PRPH2: variants seen among roughly 807,000 people sequenced by gnomAD.
PRPH2 encodes the protein peripherin-2.
Under a neutral mutation model 31.3 loss-of-function variants are expected in PRPH2, and 17 were observed. The ratio of observed to expected loss-of-function variants is 0.54; its 90% confidence interval spans 0.37 to 0.81. The LOEUF is 0.81. Ranked by LOEUF, PRPH2 falls within the 40% of genes least tolerant of loss-of-function variation. The pLI, the probability that PRPH2 is intolerant of heterozygous loss-of-function variation, is 0.00. For missense variants in PRPH2, 430 were observed against 439.7 expected (o/e 0.98, Z 0.20); for synonymous variants, 165 against 184.4 (o/e 0.89, Z 0.85).
At position 42,704,617 on chromosome 6, in the gene PRPH2, A is replaced by AG. The variant is rs1369163850; in HGVS notation, c.582-7dup. The AG allele has an allele frequency of 5.6e-6, 9 of 1,614,094 alleles. No homozygotes were observed. The highest frequency in any genetic ancestry group is 1.1e-5 in the South Asian group (1 of 91,094). On this transcript the variant is annotated splice_polypyrimidine_tract_variant and splice_region_variant and intron_variant, in intron 1 of 2. Transcript: ENST00000230381. ...CCACGTTGCTCTTGATTCGACTTAA[A>AG]GGGAAACAGACAGCTGGAGATGGGC...
chr6:42,706,052 C>T (rs929793707), intron 1 of PRPH2, among the ~76,000 whole-genome samples: 3 of 151,794 alleles, frequency 2.0e-5, no homozygotes, highest in African/African-American at 7.3e-5. Context: ...GGGCAGACGA[C>T]CTGAGGTCAG....
intron 1 of PRPH2, among the ~76,000 whole-genome samples, chr6:42,713,894 T>G (rs1007645892): frequency 1.7e-5 from 2 of 118,214 alleles, no homozygotes; most frequent in South Asian, 5.7e-4. Flanking sequence ...CACTCCAGCC[T>G]GGGTGACTGA....
chr6:42,720,775 A>C (rs933391504), intron 1 of PRPH2, among the ~76,000 whole-genome samples: 1 of 152,100 alleles, frequency 6.6e-6, no homozygotes, highest in Non-Finnish European at 1.5e-5. Context: ...GTCAGACAGA[A>C]AGAAGAGGTG....
intron 2 of PRPH2, 69 bp downstream of exon 2, chr6:42,704,296 G>A (rs1039798399): frequency 7.7e-6 from 12 of 1,558,916 alleles, no homozygotes; most frequent in Admixed American, 3.8e-5. Context: ...GCCTGGCTCC[G>A]CCCCCATTAG....
rs67162942 is a variant in PRPH2, at chr6:42,704,123, AT to A, written c.828+241del. ...TCAAAATAAAAAAAAAATAAAAAAA[AT>A]AAATTTAAGTGGTGGGAAAGAAACC... On this transcript the variant is annotated intron_variant, in intron 2 of 2. Coordinates refer to ENST00000230381, the MANE Select transcript of PRPH2 (RefSeq NM_000322.5). Among the ~76,000 whole-genome samples, 38,540 of 151,024 alleles carry A rather than the reference AT, an allele frequency of 0.26. 5,343 individuals are homozygous for A. The highest frequency in any genetic ancestry group is 0.47 in the East Asian group (2,386 of 5,104).
intron 1 of PRPH2, among the ~76,000 whole-genome samples, chr6:42,717,459 C>G (rs190515219): frequency 1.3e-5 from 2 of 151,872 alleles, no homozygotes; most frequent in Non-Finnish European, 2.9e-5. Context: ...GCCCTTTTGC[C>G]GGCCTCACCT....
intron 2 of PRPH2, 25 bp downstream of exon 2, chr6:42,704,340 T>C (rs771647336): frequency 2.5e-6 from 4 of 1,601,600 alleles, no homozygotes; most frequent in African/African-American, 1.3e-5. Flanking sequence ...CCTTACCCTC[T>C]ACCCCCAGCT....
Position 42,697,974 on chromosome 6 carries a change from C to T in PRPH2, c.*321G>A, listed in dbSNP as rs760803802. ...AGTGGCCATAGGGTGGGACTAAATC[C>T]GTGTGAGAAAGATGGGTCCTGGGCT... On this transcript the variant is annotated 3_prime_UTR_variant, in exon 3 of 3. Transcript: ENST00000230381. 43 of 370,998 alleles carry T rather than the reference C, an allele frequency of 1.2e-4. No homozygotes were observed. The highest frequency in any genetic ancestry group is 3.6e-4 in the Admixed American group (9 of 24,672). 23.0% of individuals were successfully genotyped at this position (370,998 alleles called of 1,614,324 possible).
intron 1 of PRPH2, among the ~76,000 whole-genome samples, chr6:42,707,520 GCTCAGGAGAAC>G (rs1184762005): frequency 1.3e-5 from 2 of 152,148 alleles, no homozygotes; most frequent in Non-Finnish European, 2.9e-5. Context: ...AACCAGCCAT[GCTCAGGAGAAC>G]CTGTCCTCCA....
chr6:42,699,756 G>A (rs1800015047), intron 2 of PRPH2, among the ~76,000 whole-genome samples: 2 of 152,062 alleles, frequency 1.3e-5, no homozygotes, highest in South Asian at 4.1e-4. Context: ...TGCCGGGTGT[G>A]GTGGCGCGTG....
intron 1 of PRPH2, among the ~76,000 whole-genome samples, chr6:42,707,392 G>C (rs925933341): frequency 2.6e-5 from 4 of 152,060 alleles, no homozygotes; most frequent in African/African-American, 9.7e-5. Flanking sequence ...ATATGGAGCA[G>C]GTAAATTCCT....
At chr6:42,698,915 C>T (rs759227671) in intron 2 of PRPH2, among the ~76,000 whole-genome samples, 10 of 152,154 alleles carry the variant, frequency 6.6e-5, no homozygotes, top group Admixed American at 1.3e-4. Flanking sequence ...GGGTCGCCCC[C>T]ATCCCAGGTG....
At chr6:42,717,374 G>A (rs918964027) in intron 1 of PRPH2, among the ~76,000 whole-genome samples, 6 of 151,822 alleles carry the variant, frequency 4.0e-5, no homozygotes, top group African/African-American at 9.7e-5. Flanking sequence ...AGCTGAGATC[G>A]CACCATGGCA....
At chr6:42,721,502 G>T (rs1338628879) in intron 1 of PRPH2, among the ~76,000 whole-genome samples, 1 of 152,130 alleles carries the variant, frequency 6.6e-6, no homozygotes, top group Non-Finnish European at 1.5e-5. Context: ...TATATAAATT[G>T]ATACCTTCCT....
At chr6:42,700,987 CT>C (rs11309863) in intron 2 of PRPH2, among the ~76,000 whole-genome samples, 69,759 of 139,752 alleles carry the variant, frequency 0.5, 16,887 homozygotes, top group South Asian at 0.52. Flanking sequence ...ACTTTTCTTT[CT>C]TTTTTTTTTT....
chr6:42,711,506 C>T (rs1761640667), intron 1 of PRPH2, among the ~76,000 whole-genome samples: 1 of 151,354 alleles, frequency 6.6e-6, no homozygotes, highest in Non-Finnish European at 1.5e-5. Flanking sequence ...GCCCTGTCTT[C>T]AGGGGACCCT....
At chr6:42,717,722 ATTCATTCCTTCT>A (rs1289407650) in intron 1 of PRPH2, among the ~76,000 whole-genome samples, 1 of 152,054 alleles carries the variant, frequency 6.6e-6, no homozygotes, top group Non-Finnish European at 1.5e-5. Context: ...ACAGTCTCTC[ATTCATTCCTTCT>A]TTCATTCCTT....
intron 1 of PRPH2, among the ~76,000 whole-genome samples, chr6:42,707,338 C>T (rs1291697355): frequency 4.6e-5 from 7 of 152,116 alleles, no homozygotes; most frequent in East Asian, 3.8e-4. Context: ...CCCAGTCTCT[C>T]GTTAATACAA....
Position 42,722,201 on chromosome 6 carries a change from AG to A in PRPH2, c.133del (p.Leu45SerfsTer7). ...ATTCATCACATCGCTCCTCTTTCGG[AG>A]TTCAATCTTCAGGAACAGTCCTAGG... Reference protein sequence around the residue: ...FSLGLFLKIELRKRSDVMNNS... With the variant: ...FSLGLFLKIEXRKRSDVMNNS... On this transcript the variant is annotated frameshift_variant, in exon 1 of 3. Coordinates refer to ENST00000230381, the MANE Select transcript of PRPH2 (RefSeq NM_000322.5). LOFTEE classifies it high-confidence loss of function. This position sits in a 1 kb window ranked among gnomAD's most constrained non-coding sequence, Gnocchi z 4.4. The A allele has an allele frequency of 1.2e-6, 2 of 1,614,190 alleles. No individual in the cohort carries two copies. The highest frequency in any genetic ancestry group is 1.7e-6 in the Non-Finnish European group (2 of 1,180,042).
Sources: gnomAD v4.1 joint callset for allele counts (sites outside exome capture counted in the v4.1 genomes callset) on GRCh38, gnomAD v4.1.1 for gene constraint, Gnocchi (gnomAD v3.1) non-coding constraint, MANE v1.5 for transcripts, NCBI Gene and HGNC (gene_info 2026-07-23, HGNC 2026-07-21) for gene names.